The following GNL2 variants were observed in gnomAD, a reference collection of about 807,000 sequenced individuals.
The protein encoded by GNL2 is nucleolar GTP-binding protein 2.
A neutral mutation model predicts 92.3 loss-of-function variants in GNL2; 51 were observed. That is an observed-to-expected ratio of 0.55 (90% CI 0.44 to 0.70). The LOEUF is 0.70. Among genes scored for constraint, GNL2 ranks in the 30% least tolerant of loss-of-function variants. The pLI is 0.00. For synonymous variants in GNL2, 283 were observed against 300.6 expected, an observed-to-expected ratio of 0.94 and a Z score of 0.61; for missense variants, 844 against 895.6, an observed-to-expected ratio of 0.94 and a Z score of 0.74.
chr1:37,572,273 G>T (rs1643605926), intron 12 of GNL2, among the ~76,000 whole-genome samples: 1 of 152,116 alleles, frequency 6.6e-6, no homozygotes. Flanking sequence ...GAGCTCCTAA[G>T]ACCCTTGGAA....
intron 6 of GNL2, chr1:37,583,147 A>G (rs1240053648): frequency 5.4e-6 from 2 of 373,318 alleles, no homozygotes; most frequent in Non-Finnish European, 9.5e-6. Flanking sequence ...CTGAATTTAA[A>G]ACAGAAAAAC....
intron 9 of GNL2, 66 bp downstream of exon 9, chr1:37,576,362 T>C (rs565624574): frequency 1.1e-5 from 15 of 1,419,514 alleles, no homozygotes; most frequent in Non-Finnish European, 1.5e-5. Context: ...AATCAACAAG[T>C]CCTAAACAAT....
chr1:37,587,972 A>G (rs1025818840), intron 4 of GNL2, among the ~76,000 whole-genome samples: 5 of 152,188 alleles, frequency 3.3e-5, no homozygotes, highest in Non-Finnish European at 7.3e-5. Flanking sequence ...GTAAATGCCA[A>G]CTTTTTCTTG....
chr1:37,585,503 A>C (rs1274405891), intron 5 of GNL2, among the ~76,000 whole-genome samples: 1 of 152,218 alleles, frequency 6.6e-6, no homozygotes, highest in Non-Finnish European at 1.5e-5. Flanking sequence ...TCCCATATAC[A>C]GCAGTATTTT....
At chr1:37,576,055 ATG>A in intron 9 of GNL2, 1 of 304,284 alleles carries the variant, frequency 3.3e-6, no homozygotes, top group South Asian at 4.5e-5. Flanking sequence ...GTTCCCCACT[ATG>A]TGTTCTAGGA....
intron 12 of GNL2, among the ~76,000 whole-genome samples, chr1:37,571,857 G>C (rs1174089486): frequency 6.6e-6 from 1 of 152,134 alleles, no homozygotes; most frequent in Non-Finnish European, 1.5e-5. Context: ...CAAGACAGCA[G>C]TGATACGGAC....
At chr1:37,582,070 C>T (rs1209372160) in intron 8 of GNL2, among the ~76,000 whole-genome samples, 153 bp downstream of exon 8, 1 of 152,162 alleles carries the variant, frequency 6.6e-6, no homozygotes, top group Non-Finnish European at 1.5e-5. Context: ...CAGCAATCCT[C>T]CTGCCTCAGC....
At chr1:37,579,846 A>G (rs1643737124) in intron 8 of GNL2, among the ~76,000 whole-genome samples, 1 of 147,102 alleles carries the variant, frequency 6.8e-6, no homozygotes, top group South Asian at 2.2e-4. Context: ...CAGTGAGCCG[A>G]GATCACACCA....
At chr1:37,595,210 T>A (rs890495893) in intron 1 of GNL2, among the ~76,000 whole-genome samples, 1 of 152,240 alleles carries the variant, frequency 6.6e-6, no homozygotes, top group African/African-American at 2.4e-5. Context: ...TCCCATAGGA[T>A]GTCTTGTTAA....
intron 5 of GNL2, among the ~76,000 whole-genome samples, chr1:37,585,469 G>A (rs1643837352): frequency 1.3e-5 from 2 of 152,154 alleles, no homozygotes; most frequent in South Asian, 4.1e-4. Flanking sequence ...GGCAGGACCT[G>A]AATCACAACC....
intron 5 of GNL2, among the ~76,000 whole-genome samples, chr1:37,586,686 T>C (rs1643854883): frequency 6.6e-6 from 1 of 152,164 alleles, no homozygotes; most frequent in African/African-American, 2.4e-5. Flanking sequence ...GTTATGTTCT[T>C]TTTGTTGTAT....
In GNL2 at chr1:37,574,944, G is replaced by A. The variant is rs921837400; in HGVS notation, c.1144-121C>T. 25 of 699,018 alleles carry A rather than the reference G, an allele frequency of 3.6e-5. No individual in the cohort carries two copies. In the African/African-American group the frequency reaches 4.4e-4, roughly 12 times the overall value. The allele number at this position is 699,018 out of a possible 1,614,324, so 43.3% of individuals were successfully genotyped here. ...AACATCACAAAGCTCGTGGAGATTGGCAGGAGCCTGTCTCTGACGGGGCTA... is the reference window on the plus strand; with the variant it reads ...AACATCACAAAGCTCGTGGAGATTGACAGGAGCCTGTCTCTGACGGGGCTA... On this transcript the variant is annotated intron_variant, in intron 10 of 15. Transcript: ENST00000373062.
intron 8 of GNL2, among the ~76,000 whole-genome samples, chr1:37,578,835 T>C (rs763162800): frequency 3.9e-4 from 59 of 152,198 alleles, no homozygotes; most frequent in Admixed American, 1.1e-3. Flanking sequence ...GGTGGGATTA[T>C]AGGCATGAGC....
At chr1:37,582,405 A>G (rs1643785167) in intron 7 of GNL2, 69 bp from the exon 8 acceptor site, 1 of 879,492 alleles carries the variant, frequency 1.1e-6, no homozygotes, top group Non-Finnish European at 1.8e-6. Context: ...GAAGAATCAG[A>G]GCTTGAATTA....
intron 14 of GNL2, 34 bp from the exon 15 acceptor site, chr1:37,567,798 TATTGA>T (rs1350580035): frequency 6.5e-7 from 1 of 1,541,562 alleles, no homozygotes; most frequent in East Asian, 2.2e-5. Context: ...AGGAATTTTC[TATTGA>T]AAATTTGTCT....
chr1:37,566,968 C>T lies in GNL2; in HGVS notation c.2083G>A (p.Gly695Ser). 1 of 1,613,830 alleles carries T rather than the reference C, an allele frequency of 6.2e-7. No individual in the cohort carries two copies. Among genetic ancestry groups the T allele is most frequent in the South Asian group, 1.1e-5 (1 of 91,042 alleles). ...AVRQQRPKKV[G>S]VRYYETHNVK... The stretch of plus-strand genomic sequence containing the variant: ...TTGTGTGTTTCATAGTAGCGCACAC[C>T]AACTTTTTTCGGCCGTTGCTGTCGT... The change falls in exon 16 of 16, where the codon GGT becomes AGT. Residue 695 changes from glycine to serine, a missense_variant. Coordinates refer to ENST00000373062, the MANE Select transcript of GNL2 (RefSeq NM_013285.3).
rs997809871 is a variant in GNL2, at chr1:37,576,285, C to T, written c.1038+143G>A. The stretch of plus-strand genomic sequence containing the variant: ...AAAGTGGGCAGAAACAACTCTGATA[C>T]GTTCCAAACTATTATATGGTGAGCT... On this transcript the variant is annotated intron_variant, in intron 9 of 15. Transcript: ENST00000373062. 2.9e-5 allele frequency: 21 copies of T among 712,884 alleles called. 1 individual carries two copies. The highest frequency in any genetic ancestry group is 5.5e-5 in the Admixed American group (2 of 36,580). The allele number at this position is 712,884 out of a possible 1,614,324, so 44.2% of individuals were successfully genotyped here. A position where few individuals can be genotyped will look rare whatever the true frequency, so the allele number is the denominator to read the frequency against.
intron 12 of GNL2, among the ~76,000 whole-genome samples, chr1:37,571,864 G>A (rs985174653): frequency 2.0e-5 from 3 of 152,018 alleles, no homozygotes; most frequent in African/African-American, 4.8e-5. Flanking sequence ...GCAGTGATAC[G>A]GACATCCAGA....
chr1:37,580,580 C>T (rs1352349313), intron 8 of GNL2, among the ~76,000 whole-genome samples: 1 of 152,120 alleles, frequency 6.6e-6, no homozygotes, highest in African/African-American at 2.4e-5. Context: ...TAAGAGGTCC[C>T]ATACAGGAAA....
Sources: allele counts gnomAD v4.1 joint callset (sites outside exome capture counted in the v4.1 genomes callset), GRCh38; gene constraint gnomAD v4.1.1; transcripts MANE v1.5; gene names NCBI Gene and HGNC (gene_info 2026-07-23, HGNC 2026-07-21).